The following STXBP5L variants were observed in gnomAD, a reference collection of about 807,000 sequenced individuals.
The protein encoded by STXBP5L is syntaxin binding protein 5L, also known as syntaxin-binding protein 5-like.
STXBP5L carries 65 observed loss-of-function variants against 144.5 expected under a neutral mutation model. That is an observed-to-expected ratio of 0.45 (90% confidence interval 0.37 to 0.55). STXBP5L has a LOEUF of 0.55. STXBP5L is among the 20% of genes least tolerant of loss of function. STXBP5L has a pLI of 0.00. For missense variants in STXBP5L, 1,298 were observed against 1,405.5 expected (o/e 0.92, Z 1.22); for synonymous variants, 505 against 469.6 (o/e 1.08, Z -0.97).
intron 19 of STXBP5L, among the ~76,000 whole-genome samples, chr3:121,282,517 C>T (rs1185973103): frequency 6.6e-6 from 1 of 151,902 alleles, no homozygotes; most frequent in Non-Finnish European, 1.5e-5. Context: ...ATATTTCAAT[C>T]CATTTTTGTC....
intron 3 of STXBP5L, among the ~76,000 whole-genome samples, chr3:120,992,126 C>A (rs748780951): frequency 6.6e-6 from 1 of 151,840 alleles, no homozygotes; most frequent in Non-Finnish European, 1.5e-5. Context: ...TGTCAATCTG[C>A]TTTTTTCTTT....
At chr3:120,995,626 T>G (rs1189907091) in intron 3 of STXBP5L, among the ~76,000 whole-genome samples, 1 of 152,144 alleles carries the variant, frequency 6.6e-6, no homozygotes, top group Non-Finnish European at 1.5e-5. Context: ...CAGTCTACAG[T>G]TATCAACATT....
intron 19 of STXBP5L, among the ~76,000 whole-genome samples, chr3:121,304,198 A>C (rs1002419888): frequency 1.3e-5 from 2 of 152,330 alleles, no homozygotes; most frequent in Non-Finnish European, 2.9e-5. Context: ...AAAATCCTAC[A>C]TACTTGCATA....
chr3:121,398,234 T>G (rs1373815748), intron 22 of STXBP5L, among the ~76,000 whole-genome samples: 1 of 152,254 alleles, frequency 6.6e-6, no homozygotes, highest in Non-Finnish European at 1.5e-5. Context: ...GTTTTAAACT[T>G]AAACTAGACC....
At chr3:121,291,011 A>G (rs1267958087) in intron 19 of STXBP5L, among the ~76,000 whole-genome samples, 2 of 152,164 alleles carry the variant, frequency 1.3e-5, no homozygotes, top group African/African-American at 2.4e-5. Context: ...GCCCACTTTC[A>G]CCACTTCTAG....
intron 9 of STXBP5L, among the ~76,000 whole-genome samples, chr3:121,175,054 CTG>C (rs201970054): frequency 0.012 from 1,871 of 152,208 alleles, 20 homozygotes; most frequent in Non-Finnish European, 0.016. Context: ...TGCAAAGAAA[CTG>C]TGTTCACAGT....
intron 7 of STXBP5L, among the ~76,000 whole-genome samples, chr3:121,138,172 A>G (rs1048750151): frequency 1.3e-5 from 2 of 152,098 alleles, no homozygotes; most frequent in African/African-American, 4.8e-5. Flanking sequence ...TATTTACCAT[A>G]TCCATTAAAA....
At chr3:121,186,109 G>C (rs1463637581) in intron 9 of STXBP5L, among the ~76,000 whole-genome samples, 7 of 152,076 alleles carry the variant, frequency 4.6e-5, no homozygotes, top group African/African-American at 1.7e-4. Context: ...GTCTGTTATT[G>C]GTGTATAAGA....
chr3:120,996,980 T>C (rs1282624110), intron 3 of STXBP5L, among the ~76,000 whole-genome samples: 1 of 152,126 alleles, frequency 6.6e-6, no homozygotes, highest in Non-Finnish European at 1.5e-5. Context: ...TAGGCACTGG[T>C]GTTTCATCAT....
At chr3:121,113,564 A>G (rs1320874650) in intron 5 of STXBP5L, among the ~76,000 whole-genome samples, 1 of 152,104 alleles carries the variant, frequency 6.6e-6, no homozygotes, top group East Asian at 1.9e-4. Flanking sequence ...ACTTTGAATA[A>G]TATATGAAGT....
chr3:121,064,152 T>A (rs771424136), intron 5 of STXBP5L, among the ~76,000 whole-genome samples: 2 of 152,212 alleles, frequency 1.3e-5, no homozygotes, highest in Non-Finnish European at 2.9e-5. Flanking sequence ...GTCTGCAGGT[T>A]GTGAAGACTG....
chr3:121,102,032 A>G (rs1202871773), intron 5 of STXBP5L, among the ~76,000 whole-genome samples: 1 of 152,152 alleles, frequency 6.6e-6, no homozygotes, highest in Non-Finnish European at 1.5e-5. Context: ...TTTAAGGAGA[A>G]GCACAAAACA....
intron 16 of STXBP5L, among the ~76,000 whole-genome samples, chr3:121,256,958 A>G (rs1488360092): frequency 2.6e-5 from 4 of 152,040 alleles, no homozygotes; most frequent in Non-Finnish European, 2.9e-5. Flanking sequence ...AATATTCCAT[A>G]TAATTAACTA....
chr3:121,320,921 G>A (rs948970677), intron 20 of STXBP5L, among the ~76,000 whole-genome samples: 3 of 152,056 alleles, frequency 2.0e-5, no homozygotes, highest in South Asian at 2.1e-4. Flanking sequence ...GGATAGTCTC[G>A]ATCTCCTGAC....
chr3:121,229,901 T>C (rs1398257001), intron 11 of STXBP5L, among the ~76,000 whole-genome samples: 2 of 152,172 alleles, frequency 1.3e-5, no homozygotes, highest in African/African-American at 4.8e-5. Flanking sequence ...CTATAACATA[T>C]TTTTATGCAT....
intron 9 of STXBP5L, among the ~76,000 whole-genome samples, chr3:121,191,056 C>T (rs1296145545): frequency 6.7e-6 from 1 of 150,050 alleles, no homozygotes. Flanking sequence ...ACTTCCCAGA[C>T]TGGGTGGCCA....
At chr3:120,925,010 T>C (rs2107598103) in intron 2 of STXBP5L, 1 of 152,412 alleles carries the variant, frequency 6.6e-6, no homozygotes, top group South Asian at 2.1e-4. Context: ...CTCCTGGCCC[T>C]TGTCTTTATT....
intron 9 of STXBP5L, 152 bp downstream of exon 9, chr3:121,157,779 A>T: frequency 1.0e-6 from 1 of 999,418 alleles, no homozygotes; most frequent in East Asian, 3.2e-5. Flanking sequence ...ACAGATCCCA[A>T]CATTGTACCC....
chr3:121,114,440 TA>T (rs1485155774), intron 5 of STXBP5L, among the ~76,000 whole-genome samples: 1 of 152,204 alleles, frequency 6.6e-6, no homozygotes, highest in Non-Finnish European at 1.5e-5. Flanking sequence ...GACCTTTATG[TA>T]TTTGAAGTAA....
Sources: gnomAD v4.1 joint callset for allele counts (sites outside exome capture counted in the v4.1 genomes callset) on GRCh38, gnomAD v4.1.1 for gene constraint, MANE v1.5 for transcripts, NCBI Gene and HGNC (gene_info 2026-07-23, HGNC 2026-07-21) for gene names.